Variants in KCNT2 observed in about 807,000 individuals in gnomAD.
KCNT2 encodes the protein potassium channel subfamily T member 2.
A neutral mutation model predicts 153.8 loss-of-function variants in KCNT2; 67 were observed. The ratio of observed to expected loss-of-function variants is 0.44; its 90% CI spans 0.36 to 0.53. The LOEUF (loss-of-function observed/expected upper bound fraction) is 0.53, where lower values mean the gene tolerates loss of function less well. KCNT2 is among the 20% of genes least tolerant of loss of function. The pLI, the probability that KCNT2 is intolerant of heterozygous loss-of-function variation, is 0.00. For missense variants in KCNT2, 975 were observed against 1,354.8 expected (o/e 0.72, Z 4.40); for synonymous variants, 500 against 458.8 (o/e 1.09, Z -1.15).
chr1:196,428,211 C>T lies in KCNT2; in HGVS notation c.878G>A (p.Arg293Gln), dbSNP rs1202140933. ...ERQKSGGNYS[R>Q]HRAQTEKHVV... ...ATGCTTTTCAGTTTGAGCTCTATGT[C>T]GACTATAGTTTCCTCCTGACTTTTG... The change falls in exon 10 of 28, where the codon CGA becomes CAA. Residue 293 changes from arginine (R) to glutamine (Q), a missense_variant. Coordinates refer to ENST00000294725, the MANE Select transcript of KCNT2 (RefSeq NM_198503.5). 1 of 1,612,546 alleles carries T rather than the reference C, an allele frequency of 6.2e-7. No homozygotes were observed. Among genetic ancestry groups the T allele is most frequent in the Non-Finnish European group, 8.5e-7 (1 of 1,178,924 alleles).
At chr1:196,589,936 T>A (rs1663142381) in intron 1 of KCNT2, among the ~76,000 whole-genome samples, 1 of 152,174 alleles carries the variant, frequency 6.6e-6, no homozygotes, top group African/African-American at 2.4e-5. Flanking sequence ...GCTTTTTTCA[T>A]TCCAACACCA....
chr1:196,393,325 A>G (rs773707080), intron 13 of KCNT2, among the ~76,000 whole-genome samples: 1 of 151,582 alleles, frequency 6.6e-6, no homozygotes, highest in Non-Finnish European at 1.5e-5. Flanking sequence ...AGAACTGAAT[A>G]TTCACAGACG....
chr1:196,514,766 TG>T (rs149024627), intron 1 of KCNT2, among the ~76,000 whole-genome samples: 2,618 of 152,318 alleles, frequency 0.017, 79 homozygotes, highest in African/African-American at 0.059. Context: ...TTCTATTTTT[TG>T]ATGCTTTTCA....
intron 14 of KCNT2, among the ~76,000 whole-genome samples, chr1:196,358,488 A>G (rs982874430): frequency 7.9e-5 from 12 of 152,056 alleles, no homozygotes; most frequent in African/African-American, 2.9e-4. Flanking sequence ...AACAAAATCC[A>G]TAAGATTTTA....
At chr1:196,555,712 C>A (rs571197982) in intron 1 of KCNT2, among the ~76,000 whole-genome samples, 6 of 151,332 alleles carry the variant, frequency 4.0e-5, no homozygotes, top group African/African-American at 1.4e-4. Context: ...GCAAAAATAA[C>A]AAACCTGAAA....
Position 196,394,048 on chromosome 1 carries a change from G to A in KCNT2, c.1294+4515C>T, listed in dbSNP as rs1050599188. ...AATGATTTGACATAACCAAAGCCAC[G>A]CTAACATCTGAATTTTGAACCATAA... On this transcript the variant is annotated intron_variant, in intron 13 of 27. Coordinates refer to ENST00000294725, the MANE Select transcript of KCNT2 (RefSeq NM_198503.5). Among the ~76,000 whole-genome samples, 10 of 151,510 alleles carry A rather than the reference G, an allele frequency of 6.6e-5. No homozygotes were observed. The East Asian group carries it at 1.6e-3, about 24-fold the overall frequency.
intron 22 of KCNT2, 39 bp downstream of exon 22, chr1:196,305,195 A>G: frequency 3.5e-6 from 4 of 1,145,850 alleles, no homozygotes; most frequent in Non-Finnish European, 5.3e-6. Flanking sequence ...CTGAATAAAG[A>G]TGGTTAAATC....
intron 9 of KCNT2, 84 bp downstream of exon 9, chr1:196,429,493 C>A: frequency 1.2e-6 from 1 of 842,634 alleles, no homozygotes; most frequent in Non-Finnish European, 1.8e-6. Context: ...GATAAATAAG[C>A]CACTTTCCAT....
At chr1:196,332,257 T>C (rs1413083832) in intron 17 of KCNT2, among the ~76,000 whole-genome samples, 1 of 152,150 alleles carries the variant, frequency 6.6e-6, no homozygotes. Context: ...ATCTCTTTCG[T>C]TTTTCTAGAA....
At chr1:196,230,658 T>C (rs1653872183) in intron 27 of KCNT2, among the ~76,000 whole-genome samples, 1 of 151,992 alleles carries the variant, frequency 6.6e-6, no homozygotes, top group East Asian at 1.9e-4. Context: ...GTAACTGCAG[T>C]TGTGGTAGAA....
intron 8 of KCNT2, among the ~76,000 whole-genome samples, chr1:196,445,207 T>C (rs1312183349): frequency 3.3e-5 from 5 of 151,406 alleles, no homozygotes; most frequent in Admixed American, 2.0e-4. Flanking sequence ...TCTTCTTTAC[T>C]ATCAAGAAGT....
chr1:196,536,119 A>T (rs1317165142), intron 1 of KCNT2, among the ~76,000 whole-genome samples: 1 of 152,206 alleles, frequency 6.6e-6, no homozygotes, highest in African/African-American at 2.4e-5. Context: ...TCCACATGAC[A>T]TTACCACAAG....
chr1:196,568,177 T>C (rs1365278389), intron 1 of KCNT2, among the ~76,000 whole-genome samples: 1 of 152,094 alleles, frequency 6.6e-6, no homozygotes, highest in Non-Finnish European at 1.5e-5. Context: ...CAAATGGTGG[T>C]AGAGATGGTT....
intron 13 of KCNT2, among the ~76,000 whole-genome samples, chr1:196,385,426 A>G (rs1217456527): frequency 6.6e-6 from 1 of 152,100 alleles, no homozygotes; most frequent in African/African-American, 2.4e-5. Context: ...CGGAACCACC[A>G]CTGTGTATGC....
chr1:196,496,942 A>AT (rs1013322200), intron 1 of KCNT2, among the ~76,000 whole-genome samples: 20 of 152,248 alleles, frequency 1.3e-4, no homozygotes, highest in East Asian at 1.9e-4. Flanking sequence ...TCAGCAATAG[A>AT]TTTTTTTTCT....
At chr1:196,585,443 T>C (rs1572899780) in intron 1 of KCNT2, among the ~76,000 whole-genome samples, 1 of 152,146 alleles carries the variant, frequency 6.6e-6, no homozygotes, top group African/African-American at 2.4e-5. Context: ...ATTTTGATTA[T>C]TGGACCACAC....
chr1:196,392,255 AGGAAT>A (rs1348363731), intron 13 of KCNT2, among the ~76,000 whole-genome samples: 2 of 151,288 alleles, frequency 1.3e-5, no homozygotes, highest in Non-Finnish European at 3.0e-5. Context: ...AAAAATAGTG[AGGAAT>A]GGCATAAAAA....
chr1:196,513,304 C>A (rs1681786303), intron 1 of KCNT2, among the ~76,000 whole-genome samples: 1 of 152,296 alleles, frequency 6.6e-6, no homozygotes, highest in Admixed American at 6.5e-5. Context: ...ACTTCTAACA[C>A]CCTGTTAGCA....
chr1:196,320,276 C>T (rs1256856716), intron 19 of KCNT2, among the ~76,000 whole-genome samples: 2 of 151,652 alleles, frequency 1.3e-5, no homozygotes, highest in Admixed American at 6.6e-5. Context: ...TTATTAATTC[C>T]TTCATGTATC....
Sources: allele counts gnomAD v4.1 joint callset (sites outside exome capture counted in the v4.1 genomes callset), GRCh38; gene constraint gnomAD v4.1.1; transcripts MANE v1.5; gene names NCBI Gene and HGNC (gene_info 2026-07-23, HGNC 2026-07-21).